Variants in PIP5KL1 observed in about 807,000 individuals in gnomAD.
The protein encoded by PIP5KL1 is phosphatidylinositol 4-phosphate 5-kinase-like protein 1.
PIP5KL1 carries 45 observed loss-of-function variants against 47.6 expected under a neutral mutation model. The observed-to-expected ratio is 0.94, with a 90% CI of 0.74 to 1.21. PIP5KL1 has a LOEUF of 1.21. Ranked by LOEUF, PIP5KL1 falls within the 50% of genes most tolerant of loss-of-function variation. The pLI is 0.00. For missense variants in PIP5KL1, 577 were observed against 547.6 expected (o/e 1.05, Z -0.54); for synonymous variants, 256 against 234.6 (o/e 1.09, Z -0.84).
chr9:127,923,493 G>A (rs1479642052), intron 9 of PIP5KL1, among the ~76,000 whole-genome samples: 1 of 152,250 alleles, frequency 6.6e-6, no homozygotes, highest in Non-Finnish European at 1.5e-5. Flanking sequence ...TGACAGCGGT[G>A]GCCTAAGTAC....
chr9:127,929,619 C>A lies in PIP5KL1; in HGVS notation c.228+69G>T. Reference sequence around the variant, plus strand: ...CTGATCCCCACACCTGCAGTTTCAGCCAGACAGGGCATCAGCCAAGTCTTG... The same window carrying A: ...CTGATCCCCACACCTGCAGTTTCAGACAGACAGGGCATCAGCCAAGTCTTG... On this transcript the variant is annotated intron_variant, in intron 2 of 9. Coordinates refer to ENST00000388747, the MANE Select transcript of PIP5KL1 (RefSeq NM_001135219.2). This position sits in a 1 kb window ranked among gnomAD's most constrained non-coding sequence, Gnocchi z 4.0. 1 of 1,414,826 alleles carries A rather than the reference C, an allele frequency of 7.1e-7. No individual in the cohort carries two copies. The highest frequency in any genetic ancestry group is 9.5e-7 in the Non-Finnish European group (1 of 1,053,990). 87.6% of individuals were successfully genotyped at this position (1,414,826 alleles called of 1,614,324 possible).
Position 127,921,209 on chromosome 9 carries a change from G to A in PIP5KL1, c.*638C>T, listed in dbSNP as rs1190601973. ...GATGAGAAAAGTGACTTTCAGAGGA[G>A]GGCAGAGCTCACCTGAGATCAGTAG... is the stretch of plus-strand genomic sequence containing the variant. On this transcript the variant is annotated 3_prime_UTR_variant, in exon 10 of 10. Coordinates refer to ENST00000388747, the MANE Select transcript of PIP5KL1 (RefSeq NM_001135219.2). The A allele has an allele frequency of 6.6e-6, 1 of 152,370 alleles. No individual in the cohort carries two copies. The highest frequency in any genetic ancestry group is 1.5e-5 in the Non-Finnish European group (1 of 68,148). 9.4% of individuals were successfully genotyped at this position (152,370 alleles called of 1,614,324 possible).
chr9:127,925,154 G>T lies in PIP5KL1; in HGVS notation c.870C>A (p.His290Gln). ...YSLLIAFQRLHEDERGPGSSL... is the reference protein window; with the variant it reads ...YSLLIAFQRLQEDERGPGSSL... ...TGCTGCCCGGGCCCCTCTCATCCTC[G>T]TGGAGACGTTGGAAGGCTATCAGGA... Residue 290 changes from histidine to glutamine, a missense_variant, in exon 9 of 10, where the codon CAC (histidine) becomes CAA (glutamine). Physicochemically the swap from His to Gln is conservative, Grantham distance 24 (BLOSUM62 0). Coordinates refer to ENST00000388747, the MANE Select transcript of PIP5KL1 (RefSeq NM_001135219.2). 1 of 1,614,126 alleles carries T rather than the reference G, an allele frequency of 6.2e-7. No homozygotes were observed.
At chr9:127,925,333 G>A (rs181837558) in intron 8 of PIP5KL1, 73 bp from the exon 9 acceptor site, 80 of 1,516,268 alleles carry the variant, frequency 5.3e-5, no homozygotes, top group Admixed American at 2.3e-4. Context: ...ACTCTGCCCC[G>A]TGACAGCATG....
rs1285469733 is a variant in PIP5KL1, at chr9:127,921,902, C to T, written c.1130G>A (p.Ser377Asn). 1.3e-6 allele frequency: 2 copies of T among 1,576,888 alleles called. No individual in the cohort carries two copies. The highest frequency in any genetic ancestry group is 1.7e-6 in the Non-Finnish European group (2 of 1,164,522). ...GAGGCGACGGGCGTAGCGAGCCGGG[C>T]TGACAGTGGAGAAGGTCCGGCCTGG... is the stretch of plus-strand genomic sequence containing the variant. ...RYPGRTFSTV[S>N]PARYARRLCQ... The change falls in exon 10 of 10, where the codon AGC becomes AAC. Residue 377 changes from serine to asparagine, a missense_variant. Transcript: ENST00000388747.
At chr9:127,924,448 G>A (rs138915418) in intron 9 of PIP5KL1, among the ~76,000 whole-genome samples, 1,631 of 149,156 alleles carry the variant, frequency 0.011, 18 homozygotes, top group Non-Finnish European at 0.018. Context: ...CCAAGATCGC[G>A]CCACTGTACT....
rs902159660 is a variant in PIP5KL1 at position 127,925,163 on chromosome 9, T to A, written c.861A>T (p.Gln287His). The change falls in exon 9 of 10, where the codon CAA becomes CAT. Residue 287 changes from glutamine to histidine, a missense_variant. Coordinates refer to ENST00000388747, the MANE Select transcript of PIP5KL1 (RefSeq NM_001135219.2). ...VLDYSLLIAFQRLHEDERGPG... is the reference protein window; with the variant it reads ...VLDYSLLIAFHRLHEDERGPG... ...GGCCCCTCTCATCCTCGTGGAGACG[T>A]TGGAAGGCTATCAGGAGGCTGTAAT... 3.1e-6 allele frequency: 5 copies of A among 1,613,968 alleles called. No individual in the cohort carries two copies. Among genetic ancestry groups the A allele is most frequent in the Non-Finnish European group, 4.2e-6 (5 of 1,180,024 alleles).
chr9:127,922,235 C>A, intron 9 of PIP5KL1, 121 bp from the exon 10 acceptor site: 1 of 1,271,390 alleles, frequency 7.9e-7, no homozygotes, highest in South Asian at 1.6e-5. Context: ...TCCTGTGTGC[C>A]CAGGTTTGTG....
intron 8 of PIP5KL1, 33 bp downstream of exon 8, chr9:127,925,834 G>A (rs201579396): frequency 1.3e-6 from 2 of 1,530,042 alleles, no homozygotes; most frequent in East Asian, 2.2e-5. Context: ...CTGAATGAAG[G>A]AGGAACAGGC....
chr9:127,927,572 C>A lies in PIP5KL1; in HGVS notation c.559+76G>T. On this transcript the variant is annotated intron_variant, in intron 5 of 9. Transcript: ENST00000388747. This position sits in a 1 kb window ranked among gnomAD's most constrained non-coding sequence, Gnocchi z 5.5. ...CCCAAATCCGCCCATTTGGGCCCCGCCCACATACCCCGCCCTCCCCAGGTA... is the reference window on the plus strand; with the variant it reads ...CCCAAATCCGCCCATTTGGGCCCCGACCACATACCCCGCCCTCCCCAGGTA... The A allele has an allele frequency of 6.8e-7, 1 of 1,463,060 alleles. No homozygotes were observed. The highest frequency in any genetic ancestry group is 1.3e-5 in the South Asian group (1 of 74,460). 90.6% of individuals were successfully genotyped at this position (1,463,060 alleles called of 1,614,324 possible). A position where few individuals can be genotyped will look rare whatever the true frequency, so the allele number is the denominator to read the frequency against.
Position 127,927,576 on chromosome 9 carries a change from C to T in PIP5KL1, c.559+72G>A. The T allele has an allele frequency of 6.8e-7, 1 of 1,468,478 alleles. No individual in the cohort carries two copies. Among genetic ancestry groups the T allele is most frequent in the Non-Finnish European group, 9.0e-7 (1 of 1,113,114 alleles). 91.0% of individuals were successfully genotyped at this position (1,468,478 alleles called of 1,614,324 possible). ...AATCCGCCCATTTGGGCCCCGCCCA[C>T]ATACCCCGCCCTCCCCAGGTATATG... On this transcript the variant is annotated intron_variant, in intron 5 of 9. Transcript: ENST00000388747. This position sits in a 1 kb window ranked among gnomAD's most constrained non-coding sequence, Gnocchi z 5.5.
rs1211347379 is a variant in PIP5KL1, at chr9:127,927,475, C to T, written c.560-144G>A. 7 of 1,469,236 alleles carry T rather than the reference C, an allele frequency of 4.8e-6. No individual in the cohort carries two copies. Among genetic ancestry groups the T allele is most frequent in the Non-Finnish European group, 6.3e-6 (7 of 1,111,178 alleles). 91.0% of individuals were successfully genotyped at this position (1,469,236 alleles called of 1,614,324 possible). A position where few individuals can be genotyped will look rare whatever the true frequency, so the allele number is the denominator to read the frequency against. ...TCCTTGGCTGGTCCGGATCCCGACC[C>T]GATCCCACCCCTAAACACAGCCCCA... On this transcript the variant is annotated intron_variant, in intron 5 of 9. Coordinates refer to ENST00000388747, the MANE Select transcript of PIP5KL1 (RefSeq NM_001135219.2). This position sits in a 1 kb window ranked among gnomAD's most constrained non-coding sequence, Gnocchi z 5.5.
intron 9 of PIP5KL1, among the ~76,000 whole-genome samples, chr9:127,924,518 A>G (rs1831331665): frequency 6.7e-6 from 1 of 150,108 alleles, no homozygotes; most frequent in Admixed American, 6.6e-5. Flanking sequence ...TTAGCCAGGC[A>G]TGGTGGGGAT....
At position 127,925,973 on chromosome 9, in the gene PIP5KL1, G is replaced by A. The variant is rs1421198624; in HGVS notation, c.657C>T (p.Asp219=). ...AGCGGCTCACCTCGCAGCCTTTGAT[G>A]TCATACCTGGGTGGGGGGACAGAAT... is the stretch of plus-strand genomic sequence containing the variant. The part of the protein sequence containing the change: ...YPAGRISERY[D]IKGCEVSRWV... The change falls in exon 8 of 10, where the codon GAC becomes GAT. Residue 219 remains aspartate (D), a synonymous_variant. Coordinates refer to ENST00000388747, the MANE Select transcript of PIP5KL1 (RefSeq NM_001135219.2). 1.9e-6 allele frequency: 3 copies of A among 1,610,456 alleles called. No individual in the cohort carries two copies. Among genetic ancestry groups the A allele is most frequent in the East Asian group, 4.5e-5 (2 of 44,834 alleles).
intron 2 of PIP5KL1, 139 bp from the exon 3 acceptor site, chr9:127,928,622 G>T (rs1451774749): frequency 2.2e-6 from 2 of 926,068 alleles, no homozygotes; most frequent in South Asian, 1.7e-5. Flanking sequence ...CGGAGTTTCT[G>T]AGAGTGCCTG....
intron 9 of PIP5KL1, among the ~76,000 whole-genome samples, chr9:127,922,408 G>T (rs1466383998): frequency 6.6e-6 from 1 of 152,180 alleles, no homozygotes; most frequent in Non-Finnish European, 1.5e-5. Flanking sequence ...ATGAAAAAAA[G>T]GATGTAAGGC....
Position 127,921,826 on chromosome 9 carries a change from G to A in PIP5KL1, c.*21C>T. 6.4e-7 allele frequency: 1 copy of A among 1,563,944 alleles called. No homozygotes were observed. Among genetic ancestry groups the A allele is most frequent in the Non-Finnish European group, 8.6e-7 (1 of 1,160,686 alleles). On this transcript the variant is annotated 3_prime_UTR_variant, in exon 10 of 10. Transcript: ENST00000388747. ...GGCGTGAGCCCATCGTCCAGATCCG[G>A]AGAGTGGGGCCGGGCGCCCGTCACT... is the stretch of plus-strand genomic sequence containing the variant.
At chr9:127,924,444 TCG>T (rs1831329987) in intron 9 of PIP5KL1, among the ~76,000 whole-genome samples, 1 of 146,010 alleles carries the variant, frequency 6.8e-6, no homozygotes, top group African/African-American at 2.6e-5. Flanking sequence ...TGAGCCAAGA[TCG>T]CGCCACTGTA....
intron 3 of PIP5KL1, 23 bp downstream of exon 3, chr9:127,928,410 A>G (rs1831394687): frequency 1.3e-6 from 2 of 1,591,404 alleles, no homozygotes; most frequent in Non-Finnish European, 8.6e-7. Flanking sequence ...CGTCCCTCCC[A>G]CACGGGAGTC....
Sources: gnomAD v4.1 joint callset for allele counts (sites outside exome capture counted in the v4.1 genomes callset) on GRCh38, gnomAD v4.1.1 for gene constraint, Gnocchi (gnomAD v3.1) non-coding constraint, MANE v1.5 for transcripts, NCBI Gene and HGNC (gene_info 2026-07-23, HGNC 2026-07-21) for gene names.